POC1B: variants seen among roughly 807,000 people sequenced by gnomAD.
The protein encoded by POC1B is POC1 centriolar protein homolog B.
A neutral mutation model predicts 60.6 loss-of-function variants in POC1B; 44 were observed. The ratio of observed to expected loss-of-function variants is 0.73; its 90% CI spans 0.57 to 0.93. The LOEUF is 0.93. Among genes scored for constraint, POC1B ranks in the 40% least tolerant of loss-of-function variants. POC1B has a pLI of 0.00. For synonymous variants in POC1B, 180 were observed against 198.9 expected, an observed-to-expected ratio of 0.90 and a Z score of 0.80; for missense variants, 555 against 572.3, an observed-to-expected ratio of 0.97 and a Z score of 0.31.
intron 3 of POC1B, among the ~76,000 whole-genome samples, chr12:89,494,187 G>A (rs1280570735): frequency 4.6e-5 from 7 of 152,042 alleles, no homozygotes; most frequent in Non-Finnish European, 8.8e-5. Context: ...CTATAGGTGT[G>A]CATCACCATG....
At chr12:89,441,358 A>T (rs1592588385) in intron 10 of POC1B, among the ~76,000 whole-genome samples, 1 of 152,020 alleles carries the variant, frequency 6.6e-6, no homozygotes, top group Non-Finnish European at 1.5e-5. Context: ...ACTGGGAGGT[A>T]CCTCCCAGTA....
At chr12:89,501,876 A>G in intron 2 of POC1B, 2 of 1,208,266 alleles carry the variant, frequency 1.7e-6, no homozygotes, top group Non-Finnish European at 2.5e-6. Flanking sequence ...GCCAAAGAGT[A>G]CAGAAGTTTT....
intron 2 of POC1B, among the ~76,000 whole-genome samples, chr12:89,514,293 T>C (rs1870330761): frequency 6.6e-6 from 1 of 152,076 alleles, no homozygotes; most frequent in Non-Finnish European, 1.5e-5. Context: ...CCTACTGCCA[T>C]GATTGTTAAG....
At chr12:89,406,854 C>T in the POC1B span, among the ~76,000 whole-genome samples, 2 of 151,632 alleles carry the variant, frequency 1.3e-5, no homozygotes, top group African/African-American at 2.4e-5. Flanking sequence ...CAACAGAAAC[C>T]AGAAATCTAG....
In POC1B at chr12:89,492,005, A is replaced by T. The variant is rs769379747; in HGVS notation, c.383T>A (p.Val128Glu). The change falls in exon 4 of 12, where the codon GTA (valine) becomes GAA (glutamate). Residue 128 changes from valine (V) to glutamate (E), a missense_variant. Coordinates refer to ENST00000313546, the MANE Select transcript of POC1B (RefSeq NM_172240.3). ...ATASEDKSIK[V>E]WSMYRQRFLY... Reference sequence around the variant, plus strand: ...GAAGCGCTGGCGATACATGCTCCATACTTTTATGGATTTGTCTTCAGAAGC... The same window carrying T: ...GAAGCGCTGGCGATACATGCTCCATTCTTTTATGGATTTGTCTTCAGAAGC... 7.5e-6 allele frequency: 12 copies of T among 1,608,492 alleles called. No homozygotes were observed. The South Asian group carries it at 1.0e-4, about 13-fold the overall frequency.
chr12:89,509,096 C>A (rs1385585393), intron 2 of POC1B, among the ~76,000 whole-genome samples: 1 of 152,174 alleles, frequency 6.6e-6, no homozygotes, highest in Non-Finnish European at 1.5e-5. Flanking sequence ...TGATTTACTA[C>A]TTAATTGATG....
chr12:89,408,660 G>C, the POC1B span, among the ~76,000 whole-genome samples: 1 of 151,946 alleles, frequency 6.6e-6, no homozygotes, highest in East Asian at 1.9e-4. Context: ...CTAATTTTTT[G>C]TATTTTTTAG....
intron 10 of POC1B, among the ~76,000 whole-genome samples, chr12:89,440,477 G>T (rs777291863): frequency 6.6e-6 from 1 of 152,234 alleles, no homozygotes; most frequent in South Asian, 2.1e-4. Flanking sequence ...GGGGAAGGAT[G>T]AAGGTAGGAA....
chr12:89,522,152 A>C (rs3759319), intron 2 of POC1B: 2 of 398,832 alleles, frequency 5.0e-6, no homozygotes, highest in East Asian at 3.6e-5. Context: ...TCAAGTTTAC[A>C]AAGTACGGAA....
chr12:89,452,753 G>A (rs1242351039), intron 10 of POC1B, among the ~76,000 whole-genome samples: 1 of 151,724 alleles, frequency 6.6e-6, no homozygotes, highest in East Asian at 1.9e-4. Flanking sequence ...CGGTGATACT[G>A]TTAGTAAACT....
intron 2 of POC1B, chr12:89,502,738 A>G (rs938833766): frequency 2.2e-6 from 3 of 1,354,650 alleles, no homozygotes; most frequent in Admixed American, 1.9e-5. Flanking sequence ...TATTAAGACC[A>G]CAAGAAGAAA....
downstream of POC1B, among the ~76,000 whole-genome samples, chr12:89,416,209 A>G (rs532852045): frequency 1.3e-5 from 2 of 152,330 alleles, no homozygotes; most frequent in South Asian, 2.1e-4. Flanking sequence ...CTGTATTGCA[A>G]TCTCTGTTGT....
intron 2 of POC1B, among the ~76,000 whole-genome samples, chr12:89,513,876 G>A (rs1352330404): frequency 6.6e-6 from 1 of 152,156 alleles, no homozygotes; most frequent in Non-Finnish European, 1.5e-5. Flanking sequence ...CAAAAAGATT[G>A]GGGACCACTA....
chr12:89,442,857 C>T (rs1375088950), intron 10 of POC1B, among the ~76,000 whole-genome samples: 2 of 152,048 alleles, frequency 1.3e-5, no homozygotes, highest in African/African-American at 4.8e-5. Context: ...TTCAGGAGAC[C>T]CATCTCATGT....
the POC1B span, among the ~76,000 whole-genome samples, chr12:89,413,656 T>C: frequency 6.6e-6 from 1 of 152,340 alleles, no homozygotes; most frequent in African/African-American, 2.4e-5. Flanking sequence ...ATTTGGCATA[T>C]AGAGTTTTGA....
At chr12:89,402,338 TACACACAC>T in the POC1B span, among the ~76,000 whole-genome samples, 946 of 149,022 alleles carry the variant, frequency 6.3e-3, 6 homozygotes, top group Middle Eastern at 0.014. Context: ...TTATCACAAA[TACACACAC>T]ACACACACAC....
At chr12:89,525,624 G>A in intron 1 of POC1B, 1 of 1,282,314 alleles carries the variant, frequency 7.8e-7, no homozygotes, top group Non-Finnish European at 9.9e-7. Context: ...GAATTCTGGG[G>A]GCCGTGGGGC....
chr12:89,519,475 G>GA (rs1352096140), intron 2 of POC1B: 1 of 151,958 alleles, frequency 6.6e-6, no homozygotes, highest in Non-Finnish European at 1.5e-5. Flanking sequence ...AATACAAAAG[G>GA]AAAAAAGTCA....
chr12:89,435,940 C>CTTGT (rs927780194), intron 10 of POC1B, among the ~76,000 whole-genome samples: 1 of 149,328 alleles, frequency 6.7e-6, no homozygotes, highest in Non-Finnish European at 1.5e-5. Context: ...AAGTTTTTTT[C>CTTGT]TTGTTTGTTT....
Sources: gnomAD v4.1 joint callset for allele counts (sites outside exome capture counted in the v4.1 genomes callset) on GRCh38, gnomAD v4.1.1 for gene constraint, MANE v1.5 for transcripts, NCBI Gene and HGNC (gene_info 2026-07-23, HGNC 2026-07-21) for gene names.